THRAP3: variants seen among roughly 807,000 people sequenced by gnomAD.
THRAP3 encodes thyroid hormone receptor-associated protein 3.
A neutral mutation model predicts 101.0 loss-of-function variants in THRAP3; 16 were observed. The observed-to-expected ratio is 0.16, with a 90% confidence interval of 0.11 to 0.24. The LOEUF (loss-of-function observed/expected upper bound fraction) is 0.24, where lower values mean the gene tolerates loss of function less well. THRAP3 is among the 10% of genes least tolerant of loss of function. The probability of loss-of-function intolerance (pLI) is 1.00; values close to 1 mark genes in which losing one functional copy is unlikely to be tolerated. For synonymous variants in THRAP3, 407 were observed against 422.6 expected (o/e 0.96, Z 0.45); for missense variants, 989 against 1,202.7 (o/e 0.82, Z 2.63).
intron 8 of THRAP3, chr1:36,294,175 AAAG>A: frequency 7.9e-7 from 1 of 1,262,856 alleles, no homozygotes; most frequent in Non-Finnish European, 1.0e-6. Context: ...TTGAGAAAAA[AAAG>A]AGAGGAGTTT....
Position 36,287,071 on chromosome 1 carries a change from T to G in THRAP3, c.841T>G (p.Ser281Ala). 6.2e-7 allele frequency: 1 copy of G among 1,614,008 alleles called. No homozygotes were observed. Among genetic ancestry groups the G allele is most frequent in the Non-Finnish European group, 8.5e-7 (1 of 1,179,940 alleles). ...PKPSPPLSST[S>A]QMGSTLPSGA... Reference sequence around the variant, plus strand: ...ACCTAGTCCTCCACTTTCCAGCACATCCCAGATGGGCTCAACTCTGCCGAG... The same window carrying G: ...ACCTAGTCCTCCACTTTCCAGCACAGCCCAGATGGGCTCAACTCTGCCGAG... The change falls in exon 4 of 12, where the codon TCC becomes GCC. Residue 281 changes from serine to alanine, a missense_variant. Transcript: ENST00000354618.
chr1:36,215,976 C>T, the THRAP3 span, among the ~76,000 whole-genome samples: 1,475 of 151,860 alleles, frequency 9.7e-3, 27 homozygotes, highest in African/African-American at 0.033. Context: ...CTCAAACTCC[C>T]GACCTCAGGT....
At chr1:36,277,426 C>T (rs566930588) in intron 2 of THRAP3, among the ~76,000 whole-genome samples, 66 of 152,232 alleles carry the variant, frequency 4.3e-4, no homozygotes, top group African/African-American at 1.5e-3. Flanking sequence ...TCTCGAACTC[C>T]TGACCTCAGG....
chr1:36,211,847 A>G, the THRAP3 span, among the ~76,000 whole-genome samples: 1 of 152,168 alleles, frequency 6.6e-6, no homozygotes, highest in African/African-American at 2.4e-5. Flanking sequence ...CTTCAAGCAT[A>G]GAGGGTCAGA....
chr1:36,283,055 G>A (rs1645754146), intron 3 of THRAP3, among the ~76,000 whole-genome samples: 1 of 152,162 alleles, frequency 6.6e-6, no homozygotes, highest in Non-Finnish European at 1.5e-5. Context: ...GTGCATCACT[G>A]CAAAGAAAGG....
intron 4 of THRAP3, chr1:36,288,327 T>A (rs769086365): frequency 1.6e-5 from 15 of 933,470 alleles, no homozygotes; most frequent in Non-Finnish European, 1.9e-5. Context: ...CTCCTTGAGT[T>A]CCCAAAGTTC....
At chr1:36,260,887 A>G (rs1414344876) in intron 2 of THRAP3, among the ~76,000 whole-genome samples, 1 of 150,982 alleles carries the variant, frequency 6.6e-6, no homozygotes, top group Admixed American at 6.6e-5. Context: ...ATCATGGTTT[A>G]CAACATTATT....
chr1:36,285,682 A>G (rs907370546), intron 3 of THRAP3, among the ~76,000 whole-genome samples: 1 of 152,234 alleles, frequency 6.6e-6, no homozygotes, highest in Non-Finnish European at 1.5e-5. Context: ...GCTCAGCCAC[A>G]GAAATATGAC....
At chr1:36,272,875 A>C (rs1645609640) in intron 2 of THRAP3, among the ~76,000 whole-genome samples, 1 of 152,240 alleles carries the variant, frequency 6.6e-6, no homozygotes, top group African/African-American at 2.4e-5. Flanking sequence ...AGAAGGGATG[A>C]GAATGATCTC....
At chr1:36,210,454 C>T in the THRAP3 span, among the ~76,000 whole-genome samples, 6 of 148,772 alleles carry the variant, frequency 4.0e-5, no homozygotes, top group Non-Finnish European at 5.9e-5. Flanking sequence ...TTTGGGAGGC[C>T]GAGGTGGGCA....
At chr1:36,256,328 C>T (rs1645374959) in intron 1 of THRAP3, among the ~76,000 whole-genome samples, 1 of 151,666 alleles carries the variant, frequency 6.6e-6, no homozygotes, top group Non-Finnish European at 1.5e-5. Flanking sequence ...TGGGTTCACG[C>T]CATTCTCCTG....
chr1:36,220,463 G>A (rs368687847), upstream of THRAP3, among the ~76,000 whole-genome samples: 15 of 152,220 alleles, frequency 9.9e-5, no homozygotes, highest in African/African-American at 3.1e-4. Context: ...ATTACTTGAG[G>A]TCAGGAGTTC....
At position 36,237,580 on chromosome 1, in the gene THRAP3, G is replaced by A. The variant is rs990660545; in HGVS notation, c.-135+13075G>A. On this transcript the variant is annotated intron_variant, in intron 1 of 11. Coordinates refer to ENST00000354618, the MANE Select transcript of THRAP3 (RefSeq NM_005119.4). ...GAGGTCAGGAGTTCAAGATCAGCCT[G>A]GCCAACATGGTGAAACCCCCTCTCT... 7.3e-5 allele frequency among the ~76,000 whole-genome samples: 11 copies of A among 151,632 alleles called. No homozygotes were observed. In the East Asian group the frequency reaches 7.7e-4, roughly 11 times the overall value.
Position 36,304,119 on chromosome 1 carries a change from ACCCCCAC to A in THRAP3, c.*111_*117del. On this transcript the variant is annotated 3_prime_UTR_variant, in exon 12 of 12. Coordinates refer to ENST00000354618, the MANE Select transcript of THRAP3 (RefSeq NM_005119.4). The stretch of plus-strand genomic sequence containing the variant: ...ACCTCAAGAAGATTCTGAAAATCCT[ACCCCCAC>A]CCCCCACCAGCCGCACAGATTGTAC... 1 of 1,415,676 alleles carries A rather than the reference ACCCCCAC, an allele frequency of 7.1e-7. No individual in the cohort carries two copies. Among genetic ancestry groups the A allele is most frequent in the South Asian group, 1.6e-5 (1 of 63,554 alleles). 87.7% of individuals were successfully genotyped at this position (1,415,676 alleles called of 1,614,324 possible). A position where few individuals can be genotyped will look rare whatever the true frequency, so the allele number is the denominator to read the frequency against.
chr1:36,232,906 ACT>A (rs201269029), intron 1 of THRAP3, among the ~76,000 whole-genome samples: 12,499 of 138,124 alleles, frequency 0.09, 741 homozygotes, highest in Middle Eastern at 0.26. Flanking sequence ...AGACAGTCTC[ACT>A]CTGTTGCCCA....
intron 1 of THRAP3, among the ~76,000 whole-genome samples, chr1:36,254,622 CCTGT>C (rs1412540623): frequency 2.0e-5 from 3 of 152,156 alleles, no homozygotes; most frequent in Admixed American, 6.5e-5. Flanking sequence ...ACTCAGATCT[CCTGT>C]CTTAGTGTGC....
Position 36,289,206 on chromosome 1 carries a change from A to G in THRAP3, c.1187A>G (p.Lys396Arg), listed in dbSNP as rs767776428. The change falls in exon 5 of 12, where the codon AAA becomes AGA. Residue 396 changes from lysine (K) to arginine (R), a missense_variant. Transcript: ENST00000354618. ...GKMKSDSFAP[K>R]TDSEKPFRGS... ...ATGAAATCTGATTCTTTTGCTCCCA[A>G]AACTGATTCTGAGAAGCCTTTTCGG... is the stretch of plus-strand genomic sequence containing the variant. 8.1e-6 allele frequency: 13 copies of G among 1,614,234 alleles called. No homozygotes were observed. The South Asian group carries it at 1.3e-4, about 16-fold the overall frequency.
At chr1:36,233,379 G>A (rs1004038512) in intron 1 of THRAP3, among the ~76,000 whole-genome samples, 34 of 151,772 alleles carry the variant, frequency 2.2e-4, no homozygotes, top group Admixed American at 1.1e-3. Context: ...GCTGGTGGGC[G>A]CCTGTAGTCC....
intron 4 of THRAP3, 160 bp downstream of exon 4, chr1:36,287,430 C>G: frequency 1.0e-6 from 1 of 983,880 alleles, no homozygotes. Flanking sequence ...CCAAGGAAAC[C>G]TTTAGGTTAA....
Sources: allele counts gnomAD v4.1 joint callset (sites outside exome capture counted in the v4.1 genomes callset), GRCh38; gene constraint gnomAD v4.1.1; transcripts MANE v1.5; gene names NCBI Gene and HGNC (gene_info 2026-07-23, HGNC 2026-07-21).